The following ZFAT variants were observed in gnomAD, a reference collection of about 807,000 sequenced individuals.
The protein encoded by ZFAT is zinc finger and AT-hook domain containing.
In ZFAT, 64 loss-of-function variants were observed where a neutral mutation model predicts 117.7. The observed-to-expected ratio is 0.54, with a 90% CI of 0.44 to 0.67. ZFAT has a LOEUF of 0.67. Ranked by LOEUF, ZFAT falls within the 30% of genes least tolerant of loss-of-function variation. The probability of loss-of-function intolerance (pLI) is 0.00; values close to 1 mark genes in which losing one functional copy is unlikely to be tolerated. For missense variants in ZFAT, 1,433 were observed against 1,584.5 expected (o/e 0.90, Z 1.62); for synonymous variants, 679 against 615.0 (o/e 1.10, Z -1.54).
At chr8:134,807,746 C>A in the ZFAT span, among the ~76,000 whole-genome samples, 1 of 151,202 alleles carries the variant, frequency 6.6e-6, no homozygotes, top group African/African-American at 2.4e-5. Context: ...CACAGATACT[C>A]CCAAAGAGAC....
the ZFAT span, among the ~76,000 whole-genome samples, chr8:134,778,106 A>G: frequency 9.2e-5 from 14 of 152,374 alleles, no homozygotes; most frequent in African/African-American, 3.1e-4. Flanking sequence ...AATTTCAGCT[A>G]AAATGTTTCT....
chr8:134,637,340 T>A (rs925282772), intron 3 of ZFAT, 121 bp downstream of exon 3: 1 of 1,288,938 alleles, frequency 7.8e-7, no homozygotes, highest in Non-Finnish European at 1.1e-6. Flanking sequence ...CTTTTCCAGA[T>A]GGGTGAGAGC....
At chr8:134,818,144 G>C in the ZFAT span, among the ~76,000 whole-genome samples, 5 of 152,094 alleles carry the variant, frequency 3.3e-5, no homozygotes, top group African/African-American at 4.8e-5. Flanking sequence ...TGATAAATTA[G>C]ATATCAAAAT....
chr8:134,696,862 T>C (rs1833867807), intron 1 of ZFAT, among the ~76,000 whole-genome samples: 2 of 151,856 alleles, frequency 1.3e-5, no homozygotes, highest in Admixed American at 1.3e-4. Flanking sequence ...ACTCTACGTA[T>C]CTCTCTCAGG....
chr8:134,807,703 C>T, the ZFAT span, among the ~76,000 whole-genome samples: 1 of 150,870 alleles, frequency 6.6e-6, no homozygotes, highest in East Asian at 1.9e-4. Context: ...AGAAAATGCC[C>T]CCAATTACAT....
intron 3 of ZFAT, among the ~76,000 whole-genome samples, chr8:134,618,235 C>A (rs1057431799): frequency 6.6e-6 from 1 of 152,104 alleles, no homozygotes; most frequent in African/African-American, 2.4e-5. Flanking sequence ...TCAGGAAACA[C>A]GAACAGAGAA....
At chr8:134,611,808 C>T (rs1333148735) in intron 3 of ZFAT, among the ~76,000 whole-genome samples, 1 of 152,202 alleles carries the variant, frequency 6.6e-6, no homozygotes, top group African/African-American at 2.4e-5. Context: ...GGTGTCTAAG[C>T]CGGGAAGGGC....
intron 13 of ZFAT, among the ~76,000 whole-genome samples, chr8:134,513,271 C>G (rs752936826): frequency 7.3e-5 from 11 of 150,896 alleles, no homozygotes; most frequent in Non-Finnish European, 1.5e-4. Flanking sequence ...GATCTCAGCT[C>G]ACTGCAATCT....
At chr8:134,559,898 T>A (rs77571980) in intron 11 of ZFAT, among the ~76,000 whole-genome samples, 18,691 of 152,176 alleles carry the variant, frequency 0.12, 1,402 homozygotes, top group East Asian at 0.34. Flanking sequence ...TAATATGAGA[T>A]ATTCATAAAA....
At chr8:134,738,933 T>C in the ZFAT span, among the ~76,000 whole-genome samples, 1,298 of 152,242 alleles carry the variant, frequency 8.5e-3, 10 homozygotes, top group African/African-American at 0.029. Context: ...CCCTAGTCCT[T>C]TTAGGAAACC....
Position 134,553,457 on chromosome 8 carries a change from C to T in ZFAT, c.2976+11876G>A, listed in dbSNP as rs542946495. ...GGCAGAAGTTTCAGCGAGCCGAGAT[C>T]GCGCCACTGCACTACAGCCTGGGCA... is the stretch of plus-strand genomic sequence containing the variant. On this transcript the variant is annotated intron_variant, in intron 11 of 15. Transcript: ENST00000377838. Among the ~76,000 whole-genome samples, 17 of 152,264 alleles carry T rather than the reference C, an allele frequency of 1.1e-4. 1 individual carries two copies. Among genetic ancestry groups the T allele is most frequent in the African/African-American group, 3.6e-4 (15 of 41,546 alleles).
chr8:134,650,369 G>A (rs923138265), intron 2 of ZFAT, among the ~76,000 whole-genome samples: 21 of 151,812 alleles, frequency 1.4e-4, no homozygotes, highest in East Asian at 5.8e-4. Context: ...CTCATGATCC[G>A]CCCACCTCAG....
intron 11 of ZFAT, among the ~76,000 whole-genome samples, chr8:134,558,175 C>A (rs1446273472): frequency 1.3e-5 from 2 of 152,158 alleles, no homozygotes; most frequent in African/African-American, 4.8e-5. Context: ...GGAAGGGTGG[C>A]AAGAGGCCAG....
chr8:134,694,130 T>C (rs775703653), intron 1 of ZFAT, among the ~76,000 whole-genome samples: 6 of 152,068 alleles, frequency 3.9e-5, no homozygotes, highest in African/African-American at 9.7e-5. Flanking sequence ...TGAAGAGACA[T>C]GACGCTGGAA....
chr8:134,483,735 G>A lies in ZFAT; in HGVS notation c.3493-5014C>T, dbSNP rs1172825542. Among the ~76,000 whole-genome samples the A allele has an allele frequency of 2.6e-5, 4 of 152,178 alleles. No homozygotes were observed. In the South Asian group the frequency reaches 8.3e-4, roughly 32 times the overall value. On this transcript the variant is annotated intron_variant, in intron 15 of 15. Coordinates refer to ENST00000377838, the MANE Select transcript of ZFAT (RefSeq NM_020863.4). The stretch of plus-strand genomic sequence containing the variant: ...GAAATCATTCACTGAATCAGGCACC[G>A]TGTTCTGCTGTTCCGCTGTCTCCAG...
intron 3 of ZFAT, among the ~76,000 whole-genome samples, chr8:134,628,976 T>A (rs1030998206): frequency 3.3e-5 from 5 of 152,172 alleles, no homozygotes; most frequent in Non-Finnish European, 2.9e-5. Context: ...CCCCAAAATA[T>A]CTGCAAACCA....
the ZFAT span, among the ~76,000 whole-genome samples, chr8:134,787,792 A>G: frequency 7.1e-6 from 1 of 140,876 alleles, no homozygotes; most frequent in Admixed American, 6.9e-5. Flanking sequence ...GTATATCCAT[A>G]TATTTAGAAT....
chr8:134,761,982 ATGTGTGTGTGTG>A, the ZFAT span, among the ~76,000 whole-genome samples: 1 of 147,126 alleles, frequency 6.8e-6, no homozygotes, highest in Non-Finnish European at 1.5e-5. Context: ...TTCTCTCTGT[ATGTGTGTGTGTG>A]TGTGTGTGTG....
At chr8:134,814,818 A>C in the ZFAT span, among the ~76,000 whole-genome samples, 12 of 152,236 alleles carry the variant, frequency 7.9e-5, no homozygotes, top group African/African-American at 2.9e-4. Flanking sequence ...GATAAGTGTG[A>C]AACAGCATAG....
Sources: gnomAD v4.1 joint callset for allele counts (sites outside exome capture counted in the v4.1 genomes callset) on GRCh38, gnomAD v4.1.1 for gene constraint, MANE v1.5 for transcripts, NCBI Gene and HGNC (gene_info 2026-07-23, HGNC 2026-07-21) for gene names.